Variants in NCAM2 observed in about 807,000 individuals in gnomAD.
NCAM2 encodes the protein neural cell adhesion molecule 2.
In NCAM2, 30 loss-of-function variants were observed where a neutral mutation model predicts 98.1. That is an observed-to-expected ratio of 0.31 (90% CI 0.23 to 0.41). The LOEUF is 0.41. NCAM2 is among the 10% of genes least tolerant of loss of function. NCAM2 has a pLI of 1.00. For synonymous variants in NCAM2, 368 were observed against 342.4 expected (o/e 1.07, Z -0.83); for missense variants, 867 against 1,005.8 (o/e 0.86, Z 1.87).
rs138460004 is a variant in NCAM2 at position 21,352,663 on chromosome 21, A to T, written c.1044+14129A>T. The stretch of plus-strand genomic sequence containing the variant: ...ACCTACCTGAAAAAGGGTTCTGAAG[A>T]TGAAATGAGATTACATGTAACAATA... On this transcript the variant is annotated intron_variant, in intron 8 of 17. Transcript: ENST00000400546. Among the ~76,000 whole-genome samples, 788 of 151,690 alleles carry T rather than the reference A, an allele frequency of 5.2e-3. 8 individuals are homozygous for T. The highest frequency in any genetic ancestry group is 0.018 in the African/African-American group (751 of 41,346).
chr21:21,411,252 A>C (rs1397924077), intron 10 of NCAM2, among the ~76,000 whole-genome samples: 2 of 144,790 alleles, frequency 1.4e-5, no homozygotes, highest in African/African-American at 5.1e-5. Flanking sequence ...CTAGGAAGAA[A>C]AAATTGGTAA....
At chr21:21,313,607 A>T (rs1274757294) in intron 5 of NCAM2, among the ~76,000 whole-genome samples, 1 of 151,932 alleles carries the variant, frequency 6.6e-6, no homozygotes, top group South Asian at 2.1e-4. Flanking sequence ...GTGATTTCTT[A>T]TAGACAGCAT....
chr21:21,422,917 C>A (rs191021825), intron 11 of NCAM2, among the ~76,000 whole-genome samples: 38 of 152,156 alleles, frequency 2.5e-4, no homozygotes, highest in African/African-American at 9.1e-4. Context: ...TTCTTCCTTA[C>A]AATTTTCTAC....
At chr21:21,011,876 CA>C (rs1026032713) in intron 1 of NCAM2, among the ~76,000 whole-genome samples, 24 of 151,788 alleles carry the variant, frequency 1.6e-4, no homozygotes, top group Non-Finnish European at 2.1e-4. Flanking sequence ...CAAAGGCATA[CA>C]AAAAAATGCT....
intron 11 of NCAM2, among the ~76,000 whole-genome samples, chr21:21,431,046 C>CAAAA (rs34613152): frequency 1.6e-5 from 1 of 64,056 alleles, no homozygotes; most frequent in African/African-American, 6.7e-5. Context: ...AACTCCGTCT[C>CAAAA]AAAAAAAAAA....
At chr21:21,334,480 A>G (rs922789165) in intron 6 of NCAM2, among the ~76,000 whole-genome samples, 15 of 152,162 alleles carry the variant, frequency 9.9e-5, no homozygotes, top group African/African-American at 3.6e-4. Flanking sequence ...AATAGTTTTA[A>G]TAATATTTAT....
intron 1 of NCAM2, among the ~76,000 whole-genome samples, chr21:21,101,756 A>T (rs2146491011): frequency 6.6e-6 from 1 of 152,188 alleles, no homozygotes; most frequent in African/African-American, 2.4e-5. Flanking sequence ...GAGGGAAACA[A>T]TTCCTTAAGA....
intron 1 of NCAM2, among the ~76,000 whole-genome samples, chr21:21,196,903 C>G (rs114666199): frequency 0.017 from 2,573 of 152,152 alleles, 64 homozygotes; most frequent in African/African-American, 0.059. Flanking sequence ...TCCTGTCGTA[C>G]TGAGTGAGTT....
At chr21:21,391,360 CATACAACTTA>C (rs1344101539) in intron 9 of NCAM2, among the ~76,000 whole-genome samples, 2 of 152,076 alleles carry the variant, frequency 1.3e-5, no homozygotes, top group Non-Finnish European at 2.9e-5. Context: ...CATAAATTAA[CATACAACTTA>C]ATGTGCTTAT....
intron 1 of NCAM2, among the ~76,000 whole-genome samples, chr21:21,038,486 G>A (rs1179127885): frequency 1.3e-5 from 2 of 152,048 alleles, no homozygotes; most frequent in Non-Finnish European, 2.9e-5. Context: ...AATCATGGGG[G>A]CAGTTACCCT....
At chr21:21,143,399 G>A (rs771331427) in intron 1 of NCAM2, among the ~76,000 whole-genome samples, 5 of 152,100 alleles carry the variant, frequency 3.3e-5, no homozygotes, top group African/African-American at 1.2e-4. Flanking sequence ...TAGCTTGACT[G>A]TTTACTTGTG....
At position 21,091,216 on chromosome 21, in the gene NCAM2, G is replaced by A. The variant is rs760650695; in HGVS notation, c.55+92598G>A. ...CTGAGGTTTTTGTTTGTTTTTATTA[G>A]TAGTACATAATTGAAGGTGATTTTA... On this transcript the variant is annotated intron_variant, in intron 1 of 17. Transcript: ENST00000400546. Among the ~76,000 whole-genome samples, 132 of 152,222 alleles carry A rather than the reference G, an allele frequency of 8.7e-4. 1 individual carries two copies. The highest frequency in any genetic ancestry group is 6.8e-3 in the Middle Eastern group (2 of 294).
intron 1 of NCAM2, among the ~76,000 whole-genome samples, chr21:21,211,508 G>A (rs1466164644): frequency 6.6e-6 from 1 of 152,132 alleles, no homozygotes; most frequent in African/African-American, 2.4e-5. Flanking sequence ...ACCACCTAAT[G>A]TGTTAGTGGG....
At chr21:21,113,831 A>C (rs1460692098) in intron 1 of NCAM2, among the ~76,000 whole-genome samples, 1 of 152,116 alleles carries the variant, frequency 6.6e-6, no homozygotes, top group Non-Finnish European at 1.5e-5. Context: ...GATTGGCCTC[A>C]TGATAATTTA....
intron 8 of NCAM2, among the ~76,000 whole-genome samples, chr21:21,351,794 C>T (rs747700454): frequency 5.9e-5 from 9 of 152,080 alleles, no homozygotes; most frequent in Non-Finnish European, 1.2e-4. Context: ...TTGCCCAAGC[C>T]AGAGTGCAGT....
intron 1 of NCAM2, among the ~76,000 whole-genome samples, chr21:21,269,619 A>G (rs530863615): frequency 6.6e-6 from 1 of 152,314 alleles, no homozygotes; most frequent in South Asian, 2.1e-4. Context: ...TATAAAGTTC[A>G]TGTTACAGTA....
intron 1 of NCAM2, chr21:21,147,066 C>CCGGAACTCATACCCTTTGCCTTCTACT (rs1156550209): frequency 1.0e-6 from 1 of 965,658 alleles, no homozygotes; most frequent in African/African-American, 1.8e-5. Flanking sequence ...GCCTTCTACT[C>CCGGAACTCATACCCTTTGCCTTCTACT]CGGAACTGAT....
intron 1 of NCAM2, among the ~76,000 whole-genome samples, chr21:21,104,775 T>A (rs1356478832): frequency 6.6e-6 from 1 of 152,080 alleles, no homozygotes; most frequent in African/African-American, 2.4e-5. Context: ...CCAGGATTGA[T>A]TTGCGTGATC....
intron 9 of NCAM2, among the ~76,000 whole-genome samples, chr21:21,389,140 A>T (rs2076329359): frequency 1.3e-5 from 2 of 152,220 alleles, no homozygotes; most frequent in Admixed American, 1.3e-4. Flanking sequence ...AAAGAAAAAG[A>T]TGTAATCAAC....
Sources: allele counts gnomAD v4.1 joint callset (sites outside exome capture counted in the v4.1 genomes callset), GRCh38; gene constraint gnomAD v4.1.1; transcripts MANE v1.5; gene names NCBI Gene and HGNC (gene_info 2026-07-23, HGNC 2026-07-21).